Variants in CDKN2AIPNL observed in about 807,000 individuals in gnomAD.
The protein encoded by CDKN2AIPNL is XRN2 binding domain containing 1.
Under a neutral mutation model 12.9 loss-of-function variants are expected in CDKN2AIPNL, and 9 were observed. The observed-to-expected ratio is 0.70, with a 90% CI of 0.42 to 1.22. The LOEUF is 1.22. CDKN2AIPNL is among the 50% of genes most tolerant of loss of function. The probability of loss-of-function intolerance (pLI) is 0.00; values close to 1 mark genes in which losing one functional copy is unlikely to be tolerated. For missense variants in CDKN2AIPNL, 143 were observed against 153.6 expected (o/e 0.93, Z 0.37); for synonymous variants, 53 against 61.7 (o/e 0.86, Z 0.66).
At chr5:134,410,067 C>T (rs1759168600) in intron 1 of CDKN2AIPNL, 65 bp from the exon 2 acceptor site, 9 of 1,121,064 alleles carry the variant, frequency 8.0e-6, no homozygotes, top group African/African-American at 1.6e-5. Context: ...TAATAAGAAA[C>T]TGCAGGTTGC....
At chr5:134,403,813 A>G (rs1425963944) in intron 2 of CDKN2AIPNL, among the ~76,000 whole-genome samples, 1 of 152,140 alleles carries the variant, frequency 6.6e-6, no homozygotes, top group Non-Finnish European at 1.5e-5. Flanking sequence ...TTTAGTAGAG[A>G]TGGGGTTTCA....
intron 2 of CDKN2AIPNL, among the ~76,000 whole-genome samples, chr5:134,405,642 C>T (rs1406333975): frequency 6.6e-6 from 1 of 151,896 alleles, no homozygotes; most frequent in Non-Finnish European, 1.5e-5. Flanking sequence ...GTCTCAAACT[C>T]CTGACCTCGT....
chr5:134,409,791 C>A, intron 2 of CDKN2AIPNL, 112 bp downstream of exon 2: 1 of 639,404 alleles, frequency 1.6e-6, no homozygotes. Flanking sequence ...GGGTATAGGT[C>A]TTTGGGGCAG....
intron 2 of CDKN2AIPNL, among the ~76,000 whole-genome samples, chr5:134,409,642 A>G (rs1451642499): frequency 1.3e-5 from 2 of 152,142 alleles, no homozygotes; most frequent in Non-Finnish European, 2.9e-5. Context: ...ATCAAGCAAA[A>G]ATCTCAAAAC....
chr5:134,410,740 A>G lies in CDKN2AIPNL; in HGVS notation c.240-738T>C, dbSNP rs926896372. 3.2e-5 allele frequency: 15 copies of G among 465,068 alleles called. 1 individual carries two copies. In the Middle Eastern group the frequency reaches 2.5e-3, roughly 77 times the overall value. The allele number at this position is 465,068 out of a possible 1,614,324, so 28.8% of individuals were successfully genotyped here. A position where few individuals can be genotyped will look rare whatever the true frequency, so the allele number is the denominator to read the frequency against. On this transcript the variant is annotated intron_variant, in intron 1 of 2. Transcript: ENST00000458198. ...CTACGTACTGTTCTAATAAACCCCA[A>G]TATGTGAAGCAAAACCAAGTGGCTT...
chr5:134,406,320 T>A (rs1234420722), intron 2 of CDKN2AIPNL, among the ~76,000 whole-genome samples: 1 of 152,212 alleles, frequency 6.6e-6, no homozygotes, highest in Non-Finnish European at 1.5e-5. Flanking sequence ...TAAACTCTAA[T>A]TTTTTAGCTA....
chr5:134,409,794 T>C, intron 2 of CDKN2AIPNL, 109 bp downstream of exon 2: 1 of 646,448 alleles, frequency 1.5e-6, no homozygotes, highest in South Asian at 2.1e-5. Flanking sequence ...TATAGGTCTT[T>C]GGGGCAGTAA....
At chr5:134,406,215 A>C (rs953050497) in intron 2 of CDKN2AIPNL, among the ~76,000 whole-genome samples, 8 of 152,242 alleles carry the variant, frequency 5.3e-5, no homozygotes, top group Admixed American at 5.2e-4. Context: ...AATCTTAAAG[A>C]GCTTATGTCT....
chr5:134,406,789 G>C (rs893262940), intron 2 of CDKN2AIPNL, among the ~76,000 whole-genome samples: 1 of 152,192 alleles, frequency 6.6e-6, no homozygotes, highest in Non-Finnish European at 1.5e-5. Flanking sequence ...AGGATCACTT[G>C]AGCCTGGCAG....
chr5:134,403,372 C>T (rs1759056794), intron 2 of CDKN2AIPNL, among the ~76,000 whole-genome samples: 1 of 152,206 alleles, frequency 6.6e-6, no homozygotes, highest in Non-Finnish European at 1.5e-5. Flanking sequence ...CTATTAGAAA[C>T]TGTAAAAGCT....
At chr5:134,404,911 G>A (rs546315485) in intron 2 of CDKN2AIPNL, among the ~76,000 whole-genome samples, 2 of 152,160 alleles carry the variant, frequency 1.3e-5, no homozygotes, top group Admixed American at 6.5e-5. Flanking sequence ...TCAGCCTCAA[G>A]AGTAACTGGG....
intron 2 of CDKN2AIPNL, among the ~76,000 whole-genome samples, chr5:134,408,617 A>G (rs1196114456): frequency 6.6e-6 from 1 of 151,870 alleles, no homozygotes; most frequent in East Asian, 1.9e-4. Context: ...CCTGGGAGGC[A>G]GAGCTTGCAG....
At chr5:134,408,513 CAA>C (rs59056879) in intron 2 of CDKN2AIPNL, among the ~76,000 whole-genome samples, 71,056 of 112,808 alleles carry the variant, frequency 0.63, 22,811 homozygotes, top group Non-Finnish European at 0.75. Context: ...ACTAAAAATA[CAA>C]AAAAAAAAAA....
chr5:134,406,404 T>C (rs1230456240), intron 2 of CDKN2AIPNL, among the ~76,000 whole-genome samples: 1 of 152,178 alleles, frequency 6.6e-6, no homozygotes, highest in East Asian at 1.9e-4. Context: ...ATTTTGTCTA[T>C]GGGCTGGCAA....
chr5:134,402,228 C>G lies in CDKN2AIPNL; in HGVS notation c.*687G>C, dbSNP rs1759039144. 6.6e-6 allele frequency: 1 copy of G among 152,138 alleles called. No homozygotes were observed. Among genetic ancestry groups the G allele is most frequent in the African/African-American group, 2.4e-5 (1 of 41,388 alleles). The allele number at this position is 152,138 out of a possible 1,614,324, so 9.4% of individuals were successfully genotyped here. On this transcript the variant is annotated 3_prime_UTR_variant, in exon 3 of 3. Coordinates refer to ENST00000458198, the MANE Select transcript of CDKN2AIPNL (RefSeq NM_080656.3). ...TCTTCTGCTTCAGCCTCCTGAGTAG[C>G]TGGGATTACAGATGTCCGCCACCAT...
chr5:134,409,085 G>T (rs1288291915), intron 2 of CDKN2AIPNL, among the ~76,000 whole-genome samples: 1 of 152,044 alleles, frequency 6.6e-6, no homozygotes, highest in Non-Finnish European at 1.5e-5. Context: ...TGCTTCAGTC[G>T]ATTTTATAAG....
Position 134,409,961 on chromosome 5 carries a change from T to G in CDKN2AIPNL, c.281A>C (p.Asp94Ala). Residue 94 changes from aspartate to alanine, a missense_variant, in exon 2 of 3, where the codon GAT (aspartate) becomes GCT (alanine). Coordinates refer to ENST00000458198, the MANE Select transcript of CDKN2AIPNL (RefSeq NM_080656.3). ...TGGCAGGTCTTCCACTTCAATCCCA[T>G]CGGCCATTTCCATCACCTTGTCTAA... ...DLLDKVMEMADGIEVEDLPQF... is the reference protein window; with the variant it reads ...DLLDKVMEMAAGIEVEDLPQF... 1 of 1,613,128 alleles carries G rather than the reference T, an allele frequency of 6.2e-7. No individual in the cohort carries two copies. The highest frequency in any genetic ancestry group is 1.1e-5 in the South Asian group (1 of 90,998).
chr5:134,403,382 T>C (rs1185327032), intron 2 of CDKN2AIPNL, among the ~76,000 whole-genome samples: 1 of 152,242 alleles, frequency 6.6e-6, no homozygotes, highest in Non-Finnish European at 1.5e-5. Flanking sequence ...CTGTAAAAGC[T>C]TGTCTTCAAA....
At chr5:134,409,221 A>C (rs1429542526) in intron 2 of CDKN2AIPNL, among the ~76,000 whole-genome samples, 1 of 152,226 alleles carries the variant, frequency 6.6e-6, no homozygotes, top group Non-Finnish European at 1.5e-5. Flanking sequence ...TAAAGTGCCA[A>C]AGGAACTTCA....
Sources: allele counts gnomAD v4.1 joint callset (sites outside exome capture counted in the v4.1 genomes callset), GRCh38; gene constraint gnomAD v4.1.1; transcripts MANE v1.5; gene names NCBI Gene and HGNC (gene_info 2026-07-23, HGNC 2026-07-21).